The following DENND5A variants were observed in gnomAD, a reference collection of about 807,000 sequenced individuals.
The protein encoded by DENND5A is DENN domain-containing protein 5A.
DENND5A carries 64 observed loss-of-function variants against 140.3 expected under a neutral mutation model. The ratio of observed to expected loss-of-function variants is 0.46; its 90% CI spans 0.37 to 0.56. The LOEUF (loss-of-function observed/expected upper bound fraction) is 0.56, where lower values mean the gene tolerates loss of function less well. DENND5A is among the 20% of genes least tolerant of loss of function. The pLI is 0.00. For synonymous variants in DENND5A, 605 were observed against 607.7 expected (o/e 1.00, Z 0.07); for missense variants, 1,292 against 1,593.8 (o/e 0.81, Z 3.22).
At chr11:9,177,310 C>T (rs1015421774) in intron 8 of DENND5A, among the ~76,000 whole-genome samples, 1 of 150,934 alleles carries the variant, frequency 6.6e-6, no homozygotes, top group Non-Finnish European at 1.5e-5. Flanking sequence ...TGAATATAGC[C>T]GGCATCAACC....
Position 9,241,440 on chromosome 11 carries a change from G to A in DENND5A, c.109+23521C>T, listed in dbSNP as rs78041180. Among the ~76,000 whole-genome samples, 16 of 152,166 alleles carry A rather than the reference G, an allele frequency of 1.1e-4. No homozygotes were observed. The East Asian group carries it at 3.1e-3, about 29-fold the overall frequency. ...CAGAGACCAGACAACGAGAACCACTGGCCTATAAAGCCCTACATCTTTCCC... is the reference window on the plus strand; with the variant it reads ...CAGAGACCAGACAACGAGAACCACTAGCCTATAAAGCCCTACATCTTTCCC... On this transcript the variant is annotated intron_variant, in intron 1 of 22. Coordinates refer to ENST00000328194, the MANE Select transcript of DENND5A (RefSeq NM_015213.4).
At chr11:9,160,220 G>A (rs1314689583) in intron 12 of DENND5A, among the ~76,000 whole-genome samples, 1 of 152,194 alleles carries the variant, frequency 6.6e-6, no homozygotes, top group Non-Finnish European at 1.5e-5. Context: ...TTGAAATAAG[G>A]AAATTCTCTG....
intron 4 of DENND5A, among the ~76,000 whole-genome samples, chr11:9,196,593 T>C (rs1849337093): frequency 6.6e-6 from 1 of 152,120 alleles, no homozygotes; most frequent in Non-Finnish European, 1.5e-5. Flanking sequence ...AAATGCCTTT[T>C]TTCAAATTTT....
At chr11:9,245,619 C>A (rs1851439267) in intron 1 of DENND5A, 1 of 151,634 alleles carries the variant, frequency 6.6e-6, no homozygotes, top group Admixed American at 6.6e-5. Context: ...TAGGCAGCCT[C>A]TATTTTTAAT....
intron 1 of DENND5A, among the ~76,000 whole-genome samples, chr11:9,219,253 G>C (rs1157327726): frequency 2.0e-5 from 3 of 152,006 alleles, no homozygotes; most frequent in Non-Finnish European, 4.4e-5. Context: ...CCCACACCAA[G>C]ACACGTCATG....
Position 9,152,450 on chromosome 11 carries a change from C to A in DENND5A, c.2437-8G>T, listed in dbSNP as rs759132296. 1.4e-5 allele frequency: 23 copies of A among 1,599,682 alleles called. No individual in the cohort carries two copies. Among genetic ancestry groups the A allele is most frequent in the Admixed American group, 8.3e-5 (5 of 59,970 alleles). The stretch of plus-strand genomic sequence containing the variant: ...CCATAAGGCTGATTTCCCCTGGAAC[C>A]AATGCAAGGGAGAAACACCTATCAG... On this transcript the variant is annotated splice_polypyrimidine_tract_variant and splice_region_variant and intron_variant, in intron 12 of 22. Transcript: ENST00000328194.
intron 1 of DENND5A, among the ~76,000 whole-genome samples, chr11:9,212,502 A>G (rs1462975412): frequency 1.3e-5 from 2 of 152,158 alleles, no homozygotes; most frequent in East Asian, 3.8e-4. Flanking sequence ...GAAACCAATG[A>G]TAAGAGAGAA....
intron 5 of DENND5A, among the ~76,000 whole-genome samples, chr11:9,184,230 A>G (rs1313955283): frequency 6.6e-6 from 1 of 150,816 alleles, no homozygotes; most frequent in Admixed American, 6.6e-5. Flanking sequence ...GCGGGTGCCT[A>G]TAGTCCCAGC....
chr11:9,207,120 C>A, intron 2 of DENND5A: 1 of 422,350 alleles, frequency 2.4e-6, no homozygotes, highest in South Asian at 2.2e-5. Context: ...TCCCTGAAAG[C>A]CACATTTAAT....
chr11:9,173,452 T>C (rs1848440040), intron 8 of DENND5A, among the ~76,000 whole-genome samples: 1 of 152,170 alleles, frequency 6.6e-6, no homozygotes, highest in South Asian at 2.1e-4. Context: ...ATGACATATG[T>C]AAAAGTAAAA....
rs143731215 is a variant in DENND5A, at chr11:9,193,502, G to A, written c.1129C>T (p.Pro377Ser). 2.5e-6 allele frequency: 4 copies of A among 1,604,392 alleles called. No homozygotes were observed. The highest frequency in any genetic ancestry group is 1.3e-5 in the African/African-American group (1 of 74,358). Residue 377 changes from proline to serine, a missense_variant, in exon 5 of 23, where the codon CCT becomes TCT. Around this residue, in one of 4 missense-constraint regions of DENND5A, gnomAD observed 566 missense variants for 650.4 expected, o/e 0.87. Coordinates refer to ENST00000328194, the MANE Select transcript of DENND5A (RefSeq NM_015213.4). ...AACACTCAAGATCTCACCTCTTGAG[G>A]CAGCTCCAGCTTTGACCGGTCATCC... Reference protein sequence around the residue: ...GLDDRSKLELPQEANLCFVDI... With the variant: ...GLDDRSKLELSQEANLCFVDI...
intron 4 of DENND5A, among the ~76,000 whole-genome samples, chr11:9,200,987 T>C (rs1849501967): frequency 6.6e-6 from 1 of 152,182 alleles, no homozygotes; most frequent in Non-Finnish European, 1.5e-5. Context: ...TCCATTCCTT[T>C]GCCCATGGAC....
chr11:9,252,650 A>T (rs1851780151), intron 1 of DENND5A, among the ~76,000 whole-genome samples: 1 of 152,142 alleles, frequency 6.6e-6, no homozygotes, highest in African/African-American at 2.4e-5. Flanking sequence ...CGTCTCAAAA[A>T]AAAAAACCAA....
chr11:9,227,094 G>C (rs1051954377), intron 1 of DENND5A, among the ~76,000 whole-genome samples: 3 of 152,080 alleles, frequency 2.0e-5, no homozygotes, highest in African/African-American at 7.2e-5. Context: ...CTTGAACCCG[G>C]GAGGCAGAGG....
At chr11:9,221,455 C>T (rs577188234) in intron 1 of DENND5A, among the ~76,000 whole-genome samples, 2 of 150,210 alleles carry the variant, frequency 1.3e-5, no homozygotes, top group Non-Finnish European at 3.0e-5. Flanking sequence ...ACAACAGCAA[C>T]AAAAAAAACA....
intron 1 of DENND5A, among the ~76,000 whole-genome samples, chr11:9,252,295 C>CA (rs11422899): frequency 0.38 from 26,270 of 68,662 alleles, 4,311 homozygotes; most frequent in African/African-American, 0.46. Flanking sequence ...GACTCCGTCT[C>CA]AAAAAAAAAA....
At chr11:9,176,428 A>C (rs1451889729) in intron 8 of DENND5A, among the ~76,000 whole-genome samples, 1 of 152,238 alleles carries the variant, frequency 6.6e-6, no homozygotes, top group East Asian at 1.9e-4. Context: ...TACTTAATCT[A>C]GTACTTCAAG....
chr11:9,263,089 G>T (rs192452772), intron 1 of DENND5A, among the ~76,000 whole-genome samples: 4 of 151,950 alleles, frequency 2.6e-5, no homozygotes, highest in Admixed American at 2.6e-4. Flanking sequence ...AAACTACCCC[G>T]ACAAAAAGCC....
intron 1 of DENND5A, among the ~76,000 whole-genome samples, chr11:9,262,448 C>A (rs1181885276): frequency 2.6e-5 from 4 of 152,110 alleles, no homozygotes; most frequent in Admixed American, 6.6e-5. Flanking sequence ...TATTTCTCAA[C>A]ATGTTAGTGT....
Sources: allele counts gnomAD v4.1 joint callset (sites outside exome capture counted in the v4.1 genomes callset), GRCh38; gene constraint gnomAD v4.1.1; regional missense constraint gnomAD v4.1.1; transcripts MANE v1.5; gene names NCBI Gene and HGNC (gene_info 2026-07-23, HGNC 2026-07-21).